The following CDH13 variants were observed in gnomAD, a reference collection of about 807,000 sequenced individuals.
CDH13 encodes cadherin-13.
A neutral mutation model predicts 63.8 loss-of-function variants in CDH13; 24 were observed. The observed-to-expected ratio is 0.38, with a 90% CI of 0.27 to 0.53. The LOEUF is 0.53. CDH13 is among the 20% of genes least tolerant of loss of function. CDH13 has a pLI of 0.85. For missense variants in CDH13, 1,049 were observed against 903.1 expected (o/e 1.16, Z -2.07); for synonymous variants, 503 against 355.3 (o/e 1.42, Z -4.67).
At chr16:83,551,638 T>C (rs1012687714) in intron 7 of CDH13, among the ~76,000 whole-genome samples, 1 of 152,214 alleles carries the variant, frequency 6.6e-6, no homozygotes, top group Non-Finnish European at 1.5e-5. Flanking sequence ...CTCTTTTTTT[T>C]CCTAGCAAAA....
intron 2 of CDH13, among the ~76,000 whole-genome samples, chr16:82,997,577 C>G (rs932092973): frequency 1.3e-5 from 2 of 152,208 alleles, no homozygotes; most frequent in African/African-American, 4.8e-5. Flanking sequence ...ACCCAGTTGT[C>G]TCAGCTAATG....
intron 1 of CDH13, among the ~76,000 whole-genome samples, chr16:82,679,579 A>T (rs568698255): frequency 6.6e-6 from 1 of 152,198 alleles, no homozygotes; most frequent in South Asian, 2.1e-4. Flanking sequence ...GTACATATGA[A>T]CTCACTCACG....
At chr16:83,535,607 G>A (rs930283743) in intron 7 of CDH13, among the ~76,000 whole-genome samples, 4 of 152,210 alleles carry the variant, frequency 2.6e-5, no homozygotes, top group Non-Finnish European at 5.9e-5. Flanking sequence ...TCAACATGGG[G>A]AAGGTGTTAT....
At chr16:83,756,588 T>C (rs1422293269) in intron 11 of CDH13, among the ~76,000 whole-genome samples, 5 of 152,204 alleles carry the variant, frequency 3.3e-5, no homozygotes, top group African/African-American at 1.2e-4. Context: ...CTACTGTTAG[T>C]GTTAGTGTAT....
chr16:83,659,889 C>G (rs1806666463), intron 8 of CDH13, among the ~76,000 whole-genome samples: 1 of 150,518 alleles, frequency 6.6e-6, no homozygotes, highest in Non-Finnish European at 1.5e-5. Flanking sequence ...CGGGTTCAAG[C>G]AATTCTCCTG....
intron 11 of CDH13, among the ~76,000 whole-genome samples, chr16:83,751,589 G>C (rs142014717): frequency 6.6e-6 from 1 of 152,334 alleles, no homozygotes; most frequent in Non-Finnish European, 1.5e-5. Context: ...CCAAGGTAGT[G>C]AAGTTAGTTG....
At chr16:83,404,596 T>A (rs1331878977) in intron 6 of CDH13, among the ~76,000 whole-genome samples, 1 of 152,238 alleles carries the variant, frequency 6.6e-6, no homozygotes, top group African/African-American at 2.4e-5. Context: ...ATGGCATAGA[T>A]GTGTGTGCAC....
chr16:83,280,064 T>C (rs1437514391), intron 5 of CDH13, among the ~76,000 whole-genome samples: 1 of 152,188 alleles, frequency 6.6e-6, no homozygotes, highest in Non-Finnish European at 1.5e-5. Context: ...TGCTGAAGGA[T>C]AGTATGCAGG....
intron 2 of CDH13, among the ~76,000 whole-genome samples, chr16:82,996,168 A>G (rs1912181599): frequency 6.6e-6 from 1 of 152,056 alleles, no homozygotes; most frequent in South Asian, 2.1e-4. Context: ...TAGTTATTTG[A>G]GGTTTTCTGG....
At chr16:82,673,394 G>C (rs1302233100) in intron 1 of CDH13, among the ~76,000 whole-genome samples, 1 of 152,080 alleles carries the variant, frequency 6.6e-6, no homozygotes, top group South Asian at 2.1e-4. Context: ...TCACTAGCAG[G>C]AAATAAAAGT....
intron 6 of CDH13, among the ~76,000 whole-genome samples, chr16:83,385,015 A>G (rs1336517696): frequency 6.6e-6 from 1 of 152,244 alleles, no homozygotes; most frequent in Non-Finnish European, 1.5e-5. Context: ...ATGGTTGGCA[A>G]ACAGCAGCCA....
At chr16:83,541,505 C>A (rs1338388594) in intron 7 of CDH13, among the ~76,000 whole-genome samples, 1 of 152,178 alleles carries the variant, frequency 6.6e-6, no homozygotes, top group South Asian at 2.1e-4. Flanking sequence ...ACTTAATTTT[C>A]CAAAGTTCCT....
At chr16:82,793,074 A>G (rs961657541) in intron 1 of CDH13, among the ~76,000 whole-genome samples, 1 of 152,236 alleles carries the variant, frequency 6.6e-6, no homozygotes, top group Non-Finnish European at 1.5e-5. Flanking sequence ...TGGCTAAGTT[A>G]AATGCAGCCC....
At chr16:83,582,863 C>G (rs1905754813) in intron 7 of CDH13, among the ~76,000 whole-genome samples, 1 of 152,206 alleles carries the variant, frequency 6.6e-6, no homozygotes, top group Non-Finnish European at 1.5e-5. Context: ...GAAGCATGGT[C>G]CATCCACTGA....
intron 6 of CDH13, among the ~76,000 whole-genome samples, chr16:83,486,031 T>TG: frequency 6.6e-6 from 1 of 152,236 alleles, no homozygotes; most frequent in Admixed American, 6.5e-5. Flanking sequence ...TAATCCCAGC[T>TG]ACTTAGGAGG....
intron 6 of CDH13, among the ~76,000 whole-genome samples, chr16:83,451,063 C>T (rs2072874399): frequency 6.6e-6 from 1 of 152,144 alleles, no homozygotes; most frequent in African/African-American, 2.4e-5. Context: ...AGTGATGCTG[C>T]TGGTCTGGGG....
intron 10 of CDH13, among the ~76,000 whole-genome samples, chr16:83,744,776 G>A (rs777620284): frequency 2.0e-5 from 3 of 152,194 alleles, no homozygotes; most frequent in Non-Finnish European, 2.9e-5. Flanking sequence ...ACACCACTGG[G>A]ACTGTCCCCG....
At chr16:83,536,320 A>G (rs2075187254) in intron 7 of CDH13, among the ~76,000 whole-genome samples, 1 of 152,208 alleles carries the variant, frequency 6.6e-6, no homozygotes, top group African/African-American at 2.4e-5. Flanking sequence ...CCATGTTGCA[A>G]GAGAGTCTTT....
chr16:83,547,069 G>A (rs920305058), intron 7 of CDH13, among the ~76,000 whole-genome samples: 2 of 152,174 alleles, frequency 1.3e-5, no homozygotes, highest in Admixed American at 6.5e-5. Context: ...CTTCCATAAA[G>A]GTGAATGTGT....
Sources: allele counts gnomAD v4.1 joint callset (sites outside exome capture counted in the v4.1 genomes callset), GRCh38; gene constraint gnomAD v4.1.1; transcripts MANE v1.5; gene names NCBI Gene and HGNC (gene_info 2026-07-23, HGNC 2026-07-21).